Variants in TERF1 observed in about 807,000 individuals in gnomAD.
TERF1 encodes the protein telomeric repeat-binding factor 1.
In TERF1, 20 loss-of-function variants were observed where a neutral mutation model predicts 55.1. The observed-to-expected ratio is 0.36, with a 90% CI of 0.26 to 0.53. TERF1 has a LOEUF of 0.53. Among genes scored for constraint, TERF1 ranks in the 20% least tolerant of loss-of-function variants. TERF1 has a pLI of 0.91. For missense variants in TERF1, 439 were observed against 535.7 expected, an observed-to-expected ratio of 0.82 and a Z score of 1.78; for synonymous variants, 168 against 181.2, an observed-to-expected ratio of 0.93 and a Z score of 0.59.
rs1014284097 is a variant in TERF1, at chr8:73,032,064, T to C, written c.970T>C (p.Ser324Pro). 8 of 1,611,134 alleles carry C rather than the reference T, an allele frequency of 5.0e-6. No homozygotes were observed. In the Admixed American group the frequency reaches 5.0e-5, roughly 10 times the overall value. The stretch of plus-strand genomic sequence containing the variant: ...TAGGTCTCACAAGAATCTTTTCTTA[T>C]CTAAGTTGCAACATGGAACCCAGCA... ...LLRSHKNLFL[S>P]KLQHGTQQQD... Residue 324 changes from serine to proline, a missense_variant, in exon 8 of 10, where the codon TCT becomes CCT. Ser to Pro is a moderately conservative substitution (Grantham distance 74). This residue lies in a region of TERF1 where 140 missense variants were observed against 158.6 expected (regional missense o/e 0.88). Transcript: ENST00000276603.
chr8:73,022,039 G>A (rs974060064), intron 3 of TERF1, among the ~76,000 whole-genome samples, 177 bp from the exon 4 acceptor site: 5 of 152,088 alleles, frequency 3.3e-5, no homozygotes, highest in Non-Finnish European at 7.4e-5. Context: ...GTCATTTCAA[G>A]CGACACTTAT....
intron 2 of TERF1, among the ~76,000 whole-genome samples, chr8:73,019,218 G>A: frequency 6.6e-6 from 1 of 152,012 alleles, no homozygotes; most frequent in East Asian, 1.9e-4. Context: ...TGGTGTGGGG[G>A]TGGGGGGAAG....
intron 9 of TERF1, among the ~76,000 whole-genome samples, chr8:73,042,681 G>T (rs181937712): frequency 5.3e-4 from 80 of 152,114 alleles, no homozygotes; most frequent in African/African-American, 1.8e-3. Flanking sequence ...TTTACTATTC[G>T]TAGTATCATT....
rs1808390959 is a variant in TERF1, at chr8:73,014,089, A to G, written c.415+99A>G. Reference sequence around the variant, plus strand: ...ACGTTTTTGGGGGAAGTTTGCCTACAAGTGTCTGGTGCATAGGGGTGTGGG... The same window carrying G: ...ACGTTTTTGGGGGAAGTTTGCCTACGAGTGTCTGGTGCATAGGGGTGTGGG... On this transcript the variant is annotated intron_variant, in intron 2 of 9. Transcript: ENST00000276603. The G allele has an allele frequency of 6.3e-6, 6 of 954,196 alleles. No homozygotes were observed. In the South Asian group the frequency reaches 8.7e-5, roughly 14 times the overall value. 59.1% of individuals were successfully genotyped at this position (954,196 alleles called of 1,614,324 possible).
intron 8 of TERF1, among the ~76,000 whole-genome samples, chr8:73,033,653 T>G (rs530708776): frequency 6.6e-6 from 1 of 152,192 alleles, no homozygotes; most frequent in South Asian, 2.1e-4. Flanking sequence ...AGAATCCAGC[T>G]TGAACCTAGG....
At chr8:73,032,156 T>G in intron 8 of TERF1, 23 bp downstream of exon 8, 1 of 1,539,404 alleles carries the variant, frequency 6.5e-7, no homozygotes, top group Non-Finnish European at 8.9e-7. Flanking sequence ...ATAACAGTTT[T>G]AGAAGGGGAG....
intron 5 of TERF1, among the ~76,000 whole-genome samples, chr8:73,025,548 TCA>T (rs1270935208): frequency 1.3e-5 from 2 of 151,672 alleles, no homozygotes; most frequent in Non-Finnish European, 2.9e-5. Flanking sequence ...GTCAGGCGGA[TCA>T]CACGGTCAGG....
intron 9 of TERF1, among the ~76,000 whole-genome samples, chr8:73,039,835 G>A (rs1476765365): frequency 1.4e-5 from 2 of 143,150 alleles, no homozygotes; most frequent in African/African-American, 5.2e-5. Flanking sequence ...TTTTTTTGTA[G>A]AGATGGTGTC....
intron 8 of TERF1, among the ~76,000 whole-genome samples, chr8:73,035,233 TG>T (rs1809463218): frequency 1.3e-5 from 2 of 152,320 alleles, no homozygotes; most frequent in East Asian, 3.9e-4. Flanking sequence ...CAAATTTTCT[TG>T]GTTATATTTT....
chr8:73,011,319 A>G (rs1182478568), intron 1 of TERF1: 2 of 152,304 alleles, frequency 1.3e-5, no homozygotes, highest in Non-Finnish European at 1.5e-5. Context: ...AGGCCAAGGC[A>G]GTTGGATCAC....
intron 1 of TERF1, chr8:73,011,086 A>G (rs970374308): frequency 6.6e-6 from 1 of 152,254 alleles, no homozygotes; most frequent in Non-Finnish European, 1.5e-5. Context: ...TAAGATTTTC[A>G]GAATGAGAAA....
At chr8:73,039,520 T>C (rs1360190969) in intron 9 of TERF1, among the ~76,000 whole-genome samples, 1 of 152,178 alleles carries the variant, frequency 6.6e-6, no homozygotes, top group Non-Finnish European at 1.5e-5. Flanking sequence ...CATTATAAGC[T>C]TTGATGTTTA....
At chr8:73,031,178 C>T (rs957639268) in intron 7 of TERF1, 1 of 152,190 alleles carries the variant, frequency 6.6e-6, no homozygotes, top group African/African-American at 2.4e-5. Context: ...ACTGCTGTCT[C>T]TGGAGTCCTA....
chr8:73,019,212 G>C (rs1439877587), intron 2 of TERF1, among the ~76,000 whole-genome samples: 6 of 152,106 alleles, frequency 3.9e-5, no homozygotes, highest in African/African-American at 1.4e-4. Flanking sequence ...CAGATGTGGT[G>C]TGGGGGTGGG....
chr8:73,041,918 C>T (rs1019327628), intron 9 of TERF1, among the ~76,000 whole-genome samples: 1 of 152,128 alleles, frequency 6.6e-6, no homozygotes, highest in African/African-American at 2.4e-5. Flanking sequence ...ATTGCTCCTA[C>T]CAGTATTGGC....
intron 5 of TERF1, among the ~76,000 whole-genome samples, chr8:73,026,327 G>A (rs1267214667): frequency 1.8e-4 from 27 of 151,624 alleles, no homozygotes; most frequent in African/African-American, 4.1e-4. Flanking sequence ...GCAAAACCCC[G>A]TCTCTACAAA....
Position 73,009,303 on chromosome 8 carries a change from G to GTCGGGAGA in TERF1, c.319+98_319+99insTCGGGAGA, listed in dbSNP as rs1808174680. The GTCGGGAGA allele has an allele frequency of 2.4e-6, 3 of 1,238,260 alleles. 1 individual carries two copies. Among genetic ancestry groups the GTCGGGAGA allele is most frequent in the Non-Finnish European group, 3.3e-6 (3 of 905,590 alleles). The allele number at this position is 1,238,260 out of a possible 1,614,324, so 76.7% of individuals were successfully genotyped here. On this transcript the variant is annotated intron_variant, in intron 1 of 9. Transcript: ENST00000276603. ...CTGGTTCCCTACGTCGCCGAGGGAG[G>GTCGGGAGA]GGCTGCTGCGGCCGATTAGCTGGGA...
chr8:73,032,113 G>A lies in TERF1; in HGVS notation c.1019G>A (p.Arg340Lys), dbSNP rs1197323769. 6.2e-7 allele frequency: 1 copy of A among 1,611,028 alleles called. No individual in the cohort carries two copies. The highest frequency in any genetic ancestry group is 1.1e-5 in the South Asian group (1 of 90,848). Residue 340 changes from arginine (R) to lysine (K), a missense_variant, in exon 8 of 10, where the codon AGA (arginine) becomes AAA (lysine). Arg to Lys is a conservative substitution (Grantham distance 26). This residue lies in a region of TERF1 where 140 missense variants were observed against 158.6 expected (regional missense o/e 0.88). Coordinates refer to ENST00000276603, the MANE Select transcript of TERF1 (RefSeq NM_017489.3). ...CAACAAGACCTTAATAAGAAAGAAA[G>A]AAGAGTAGGAACTCCTCAAAGTGAG... The part of the protein sequence containing the change: ...TQQQDLNKKE[R>K]RVGTPQSTKK...
chr8:73,029,064 A>T (rs1479483226), intron 6 of TERF1, among the ~76,000 whole-genome samples: 2 of 152,300 alleles, frequency 1.3e-5, no homozygotes, highest in East Asian at 3.9e-4. Flanking sequence ...TGGAAGCAGA[A>T]CCAGGGCAAA....
Sources: allele counts gnomAD v4.1 joint callset (sites outside exome capture counted in the v4.1 genomes callset), GRCh38; gene constraint gnomAD v4.1.1; regional missense constraint gnomAD v4.1.1; transcripts MANE v1.5; gene names NCBI Gene and HGNC (gene_info 2026-07-23, HGNC 2026-07-21).